Variants in XKR6 observed in about 807,000 individuals in gnomAD.
The protein encoded by XKR6 is XK related 6, also known as XK-related protein 6.
In XKR6, 22 loss-of-function variants were observed where a neutral mutation model predicts 56.7. The observed-to-expected ratio is 0.39, with a 90% CI of 0.28 to 0.55. XKR6 has a LOEUF of 0.55. Ranked by LOEUF, XKR6 falls within the 20% of genes least tolerant of loss-of-function variation. The probability of loss-of-function intolerance (pLI) is 0.66; values close to 1 mark genes in which losing one functional copy is unlikely to be tolerated. For missense variants in XKR6, 852 were observed against 889.0 expected, an observed-to-expected ratio of 0.96 and a Z score of 0.53; for synonymous variants, 524 against 387.8, an observed-to-expected ratio of 1.35 and a Z score of -4.13.
At chr8:11,042,806 C>T (rs574026651) in intron 1 of XKR6, among the ~76,000 whole-genome samples, 1 of 152,240 alleles carries the variant, frequency 6.6e-6, no homozygotes, top group Admixed American at 6.5e-5. Flanking sequence ...ACATTTGGAT[C>T]CCAGCAGTGG....
intron 1 of XKR6, among the ~76,000 whole-genome samples, chr8:11,046,193 G>A (rs191254090): frequency 6.6e-6 from 1 of 152,280 alleles, no homozygotes; most frequent in Non-Finnish European, 1.5e-5. Flanking sequence ...GGGGCCAGGA[G>A]TTTGAGACCA....
At chr8:11,088,950 G>C (rs1044696118) in intron 1 of XKR6, among the ~76,000 whole-genome samples, 2 of 152,230 alleles carry the variant, frequency 1.3e-5, no homozygotes, top group Non-Finnish European at 2.9e-5. Flanking sequence ...GCACATAGAA[G>C]ATGCCCAATA....
intron 1 of XKR6, among the ~76,000 whole-genome samples, chr8:11,144,703 G>C (rs1052706498): frequency 1.2e-4 from 18 of 152,084 alleles, no homozygotes; most frequent in African/African-American, 4.1e-4. Context: ...AAGCCGCCAA[G>C]CTCCTTCCTT....
intron 1 of XKR6, among the ~76,000 whole-genome samples, chr8:10,953,660 G>GA: frequency 6.6e-6 from 1 of 152,166 alleles, no homozygotes. Context: ...AGTGTGGGAA[G>GA]AATCTAGATA....
intron 1 of XKR6, among the ~76,000 whole-genome samples, chr8:10,998,397 C>G (rs368743150): frequency 6.6e-6 from 1 of 152,174 alleles, no homozygotes; most frequent in East Asian, 1.9e-4. Context: ...CCTAGAATAA[C>G]GAGTCTGCGT....
intron 2 of XKR6, among the ~76,000 whole-genome samples, chr8:10,911,239 TAGAG>T (rs5889347): frequency 2.3e-3 from 320 of 137,452 alleles, no homozygotes; most frequent in Middle Eastern, 0.012. Context: ...TGTGTGTGTA[TAGAG>T]AGAGAGAGAG....
chr8:11,201,272 G>T lies in XKR6; in HGVS notation c.68C>A (p.Ala23Glu). 1 of 1,568,510 alleles carries T rather than the reference G, an allele frequency of 6.4e-7. No homozygotes were observed. Among genetic ancestry groups the T allele is most frequent in the East Asian group, 2.4e-5 (1 of 41,876 alleles). Reference protein sequence around the residue: ...GFAQLHNLDEAVGSGGEEDGE... With the variant: ...GFAQLHNLDEEVGSGGEEDGE... ...GTCCTCCTCGCCGCCGCTGCCCACC[G>T]CCTCGTCCAGGTTGTGCAGCTGAGC... The change falls in exon 1 of 3, where the codon GCG becomes GAG. Residue 23 changes from alanine (A) to glutamate (E), a missense_variant. Physicochemically the swap from Ala to Glu is moderately radical, Grantham distance 107. This residue lies in a region of XKR6 where 417 missense variants were observed against 355.2 expected (regional missense o/e 1.17). Transcript: ENST00000416569.
At chr8:10,965,460 C>G (rs1446921725) in intron 1 of XKR6, among the ~76,000 whole-genome samples, 1 of 152,242 alleles carries the variant, frequency 6.6e-6, no homozygotes, top group Non-Finnish European at 1.5e-5. Context: ...CCTAGCATGG[C>G]ACCTCGTGCG....
chr8:11,000,950 T>G (rs1027326213), intron 1 of XKR6, among the ~76,000 whole-genome samples: 1 of 152,158 alleles, frequency 6.6e-6, no homozygotes, highest in Non-Finnish European at 1.5e-5. Flanking sequence ...TGGCTCAGCC[T>G]TTGCTTTTCT....
intron 1 of XKR6, among the ~76,000 whole-genome samples, chr8:11,060,339 C>T (rs556766885): frequency 6.6e-6 from 1 of 152,276 alleles, no homozygotes; most frequent in South Asian, 2.1e-4. Flanking sequence ...ACGCCTCCAC[C>T]TCTCCAGGCC....
At chr8:11,041,454 G>A (rs552597393) in intron 1 of XKR6, among the ~76,000 whole-genome samples, 2 of 152,126 alleles carry the variant, frequency 1.3e-5, no homozygotes, top group African/African-American at 4.8e-5. Context: ...TACTCGGGAG[G>A]CTGAGGCAGG....
intron 1 of XKR6, among the ~76,000 whole-genome samples, chr8:11,081,854 T>A (rs1215790231): frequency 6.6e-6 from 1 of 152,246 alleles, no homozygotes; most frequent in Admixed American, 6.5e-5. Context: ...GGCTGCTGCC[T>A]CTTGGCCTGT....
At chr8:11,056,200 TG>T (rs1345096017) in intron 1 of XKR6, among the ~76,000 whole-genome samples, 1 of 152,182 alleles carries the variant, frequency 6.6e-6, no homozygotes, top group African/African-American at 2.4e-5. Flanking sequence ...CTCCCCAGAC[TG>T]GGAGGCAGAA....
chr8:11,165,095 T>C (rs1251662252), intron 1 of XKR6, among the ~76,000 whole-genome samples: 1 of 133,878 alleles, frequency 7.5e-6, no homozygotes, highest in African/African-American at 2.9e-5. Context: ...ATCACCTTTT[T>C]TTTTTTTTTT....
intron 1 of XKR6, among the ~76,000 whole-genome samples, chr8:10,931,401 A>T (rs1206205085): frequency 6.6e-6 from 1 of 151,848 alleles, no homozygotes; most frequent in Non-Finnish European, 1.5e-5. Context: ...CCCAAGTGGA[A>T]TTTTTTTTTA....
intron 1 of XKR6, among the ~76,000 whole-genome samples, chr8:10,968,454 C>G (rs1802298774): frequency 6.6e-6 from 1 of 152,264 alleles, no homozygotes; most frequent in African/African-American, 2.4e-5. Context: ...TCAGGGCTGG[C>G]CTATGGCCCC....
intron 1 of XKR6, among the ~76,000 whole-genome samples, chr8:11,058,739 G>A (rs573387773): frequency 3.3e-5 from 5 of 152,244 alleles, no homozygotes; most frequent in African/African-American, 1.2e-4. Context: ...TAATGCATGC[G>A]GGGCTTGAAA....
intron 1 of XKR6, among the ~76,000 whole-genome samples, chr8:11,168,381 T>TA (rs1222240128): frequency 1.3e-5 from 2 of 152,074 alleles, no homozygotes; most frequent in Admixed American, 6.5e-5. Context: ...GCACCAAACA[T>TA]AGAGTCCCAA....
intron 1 of XKR6, chr8:11,125,648 CCT>C (rs1799741645): frequency 6.6e-6 from 1 of 152,118 alleles, no homozygotes; most frequent in African/African-American, 2.4e-5. Flanking sequence ...AGGACTTTTC[CCT>C]GTTCCTTAAT....
Sources: gnomAD v4.1 joint callset for allele counts (sites outside exome capture counted in the v4.1 genomes callset) on GRCh38, gnomAD v4.1.1 for gene constraint, gnomAD v4.1.1 regional missense constraint, MANE v1.5 for transcripts, NCBI Gene and HGNC (gene_info 2026-07-23, HGNC 2026-07-21) for gene names.